Variants in MAGI1 observed in about 807,000 individuals in gnomAD.
MAGI1 encodes the protein membrane-associated guanylate kinase, WW and PDZ domain-containing protein 1.
In MAGI1, 58 loss-of-function variants were observed where a neutral mutation model predicts 139.9. The observed-to-expected ratio is 0.41, with a 90% confidence interval of 0.34 to 0.52. The LOEUF (loss-of-function observed/expected upper bound fraction) is 0.52, where lower values mean the gene tolerates loss of function less well. MAGI1 is among the 20% of genes least tolerant of loss of function. MAGI1 has a pLI of 0.12. For synonymous variants in MAGI1, 812 were observed against 737.9 expected (o/e 1.10, Z -1.63); for missense variants, 1,874 against 1,901.6 (o/e 0.99, Z 0.27).
chr3:65,396,798 A>G (rs56214104), intron 13 of MAGI1, among the ~76,000 whole-genome samples: 13 of 152,316 alleles, frequency 8.5e-5, no homozygotes, highest in Admixed American at 1.3e-4. Flanking sequence ...GTGTGTGAAA[A>G]TCAGAGACTC....
intron 1 of MAGI1, among the ~76,000 whole-genome samples, chr3:65,695,263 A>G (rs75443467): frequency 0.16 from 24,113 of 152,190 alleles, 2,587 homozygotes; most frequent in Non-Finnish European, 0.24. Flanking sequence ...TAGGTGGGAG[A>G]CTGTTGGGAC....
intron 1 of MAGI1, among the ~76,000 whole-genome samples, chr3:65,633,382 G>A (rs1046815342): frequency 2.0e-5 from 3 of 152,126 alleles, no homozygotes; most frequent in East Asian, 3.9e-4. Flanking sequence ...AAAAAGAAAC[G>A]TGTGGTGAGT....
At chr3:65,894,906 T>C (rs1242499786) in intron 1 of MAGI1, among the ~76,000 whole-genome samples, 1 of 152,240 alleles carries the variant, frequency 6.6e-6, no homozygotes, top group East Asian at 1.9e-4. Flanking sequence ...CACTGCCTTA[T>C]GAAAATGTGC....
intron 1 of MAGI1, among the ~76,000 whole-genome samples, chr3:65,824,037 G>A (rs1445790537): frequency 1.3e-5 from 2 of 152,150 alleles, no homozygotes; most frequent in South Asian, 4.1e-4. Flanking sequence ...CTATTTCCTA[G>A]AGTTCCTACC....
At chr3:66,017,776 C>T (rs1335523131) in intron 1 of MAGI1, among the ~76,000 whole-genome samples, 1 of 152,122 alleles carries the variant, frequency 6.6e-6, no homozygotes, top group African/African-American at 2.4e-5. Flanking sequence ...TTTTCACTTT[C>T]ATACATGAAG....
At chr3:65,943,339 G>A (rs915074526) in intron 1 of MAGI1, among the ~76,000 whole-genome samples, 1 of 152,072 alleles carries the variant, frequency 6.6e-6, no homozygotes, top group African/African-American at 2.4e-5. Context: ...ACTTTGGGAG[G>A]CCAAGGTGGG....
At chr3:65,702,812 G>A (rs2089708742) in intron 1 of MAGI1, among the ~76,000 whole-genome samples, 1 of 151,920 alleles carries the variant, frequency 6.6e-6, no homozygotes, top group African/African-American at 2.4e-5. Flanking sequence ...TTGACAACCA[G>A]GATATTCCTA....
At chr3:65,465,591 G>A (rs1950115333) in intron 5 of MAGI1, among the ~76,000 whole-genome samples, 1 of 152,046 alleles carries the variant, frequency 6.6e-6, no homozygotes, top group Admixed American at 6.6e-5. Context: ...TGTTTCTGAT[G>A]ACAAATATGC....
chr3:65,845,243 C>G (rs1026759965), intron 1 of MAGI1, among the ~76,000 whole-genome samples: 5 of 115,280 alleles, frequency 4.3e-5, no homozygotes, highest in Non-Finnish European at 7.6e-5. Context: ...CAGAGGGAGA[C>G]TCCATCTCAA....
intron 1 of MAGI1, among the ~76,000 whole-genome samples, chr3:65,707,804 C>T (rs2030631029): frequency 6.6e-6 from 1 of 151,788 alleles, no homozygotes; most frequent in African/African-American, 2.4e-5. Context: ...CCCTCTCAAG[C>T]TTCTTTCTCA....
intron 2 of MAGI1, among the ~76,000 whole-genome samples, chr3:65,548,253 A>G (rs1242938787): frequency 6.6e-6 from 1 of 152,134 alleles, no homozygotes; most frequent in Non-Finnish European, 1.5e-5. Flanking sequence ...TCCCAGGTGA[A>G]ATGAGGCTCT....
At position 65,391,065 on chromosome 3, in the gene MAGI1, A is replaced by C. The variant is rs1943887763; in HGVS notation, c.2416+77T>G. The C allele has an allele frequency of 9.3e-6, 12 of 1,291,242 alleles. No individual in the cohort carries two copies. The Middle Eastern group carries it at 7.2e-4, about 77-fold the overall frequency. The allele number at this position is 1,291,242 out of a possible 1,614,324, so 80.0% of individuals were successfully genotyped here. A position where few individuals can be genotyped will look rare whatever the true frequency, so the allele number is the denominator to read the frequency against. On this transcript the variant is annotated intron_variant, in intron 14 of 22. Coordinates refer to ENST00000402939, the MANE Select transcript of MAGI1 (RefSeq NM_001033057.2). ...CCAGTTTACACACTGCAACTCATCT[A>C]TTTTCAATAACCTTCAAGAGAAAGG...
intron 2 of MAGI1, among the ~76,000 whole-genome samples, chr3:65,584,436 G>T (rs1298512475): frequency 5.3e-5 from 8 of 152,228 alleles, no homozygotes; most frequent in Non-Finnish European, 1.2e-4. Flanking sequence ...AGCAACCTCA[G>T]TAGACCTGAG....
At chr3:65,488,665 T>C (rs1046370180) in intron 3 of MAGI1, among the ~76,000 whole-genome samples, 7 of 151,462 alleles carry the variant, frequency 4.6e-5, no homozygotes, top group Admixed American at 1.3e-4. Context: ...CTTAAAATTG[T>C]TTACATTCAT....
chr3:65,524,737 G>A (rs78124393), intron 2 of MAGI1, among the ~76,000 whole-genome samples: 193 of 152,232 alleles, frequency 1.3e-3, no homozygotes, highest in African/African-American at 4.3e-3. Flanking sequence ...ATCGCAACAG[G>A]TGGATATCTG....
At chr3:65,442,461 G>A (rs1948410221) in intron 8 of MAGI1, among the ~76,000 whole-genome samples, 1 of 148,772 alleles carries the variant, frequency 6.7e-6, no homozygotes, top group Admixed American at 6.8e-5. Context: ...TCTTCATCTG[G>A]TCTACTGAAT....
At chr3:65,416,571 G>C (rs34280479) in intron 12 of MAGI1, among the ~76,000 whole-genome samples, 1 of 152,024 alleles carries the variant, frequency 6.6e-6, no homozygotes, top group South Asian at 2.1e-4. Context: ...AGAATAGCAC[G>C]GTGCTAAAGT....
intron 1 of MAGI1, among the ~76,000 whole-genome samples, chr3:65,964,446 T>G (rs553533191): frequency 6.6e-6 from 1 of 151,316 alleles, no homozygotes; most frequent in African/African-American, 2.4e-5. Context: ...GAACACTTCA[T>G]AGAACAGGGC....
intron 14 of MAGI1, 104 bp downstream of exon 14, chr3:65,391,038 A>G: frequency 1.0e-6 from 1 of 975,870 alleles, no homozygotes; most frequent in Non-Finnish European, 1.6e-6. Context: ...ATTTCACTTT[A>G]CCCAGTTTAC....
Sources: gnomAD v4.1 joint callset for allele counts (sites outside exome capture counted in the v4.1 genomes callset) on GRCh38, gnomAD v4.1.1 for gene constraint, MANE v1.5 for transcripts, NCBI Gene and HGNC (gene_info 2026-07-23, HGNC 2026-07-21) for gene names.